PDZD9: variants seen among roughly 807,000 people sequenced by gnomAD.
PDZD9 encodes PDZ domain containing 9, also known as PDZ domain-containing protein 9.
A neutral mutation model predicts 16.3 loss-of-function variants in PDZD9; 13 were observed. The observed-to-expected ratio is 0.80, with a 90% confidence interval of 0.52 to 1.27. The LOEUF (loss-of-function observed/expected upper bound fraction) is 1.27, where lower values mean the gene tolerates loss of function less well. Ranked by LOEUF, PDZD9 falls within the 50% of genes most tolerant of loss-of-function variation. The pLI is 0.00. For missense variants in PDZD9, 288 were observed against 310.9 expected (o/e 0.93, Z 0.55); for synonymous variants, 120 against 111.0 (o/e 1.08, Z -0.51).
intron 3 of PDZD9, among the ~76,000 whole-genome samples, chr16:21,987,873 G>A (rs1898917164): frequency 1.3e-5 from 2 of 152,220 alleles, no homozygotes; most frequent in Middle Eastern, 3.4e-3. Flanking sequence ...AAGAGGGTAG[G>A]GAGAGGAGAG....
At chr16:21,962,730 C>T in the PDZD9 span, 19 of 1,613,286 alleles carry the variant, frequency 1.2e-5, no homozygotes, top group Non-Finnish European at 1.5e-5. Context: ...ACATTTTTGA[C>T]TCATAATTCT....
chr16:21,988,928 CT>C (rs60488437), intron 2 of PDZD9, 137 bp from the exon 3 acceptor site: 52,619 of 343,824 alleles, frequency 0.15, 2 homozygotes, highest in South Asian at 0.21. Flanking sequence ...AGGCTTCAGC[CT>C]TTTTTTTTTT....
intron 1 of PDZD9, 148 bp from the exon 2 acceptor site, chr16:21,996,649 C>G: frequency 1.2e-6 from 1 of 845,154 alleles, no homozygotes; most frequent in Non-Finnish European, 1.8e-6. Flanking sequence ...TAAAAATGTT[C>G]ACCTTGGAGA....
intron 2 of PDZD9, among the ~76,000 whole-genome samples, chr16:21,994,542 A>G (rs1197045476): frequency 2.0e-5 from 3 of 152,236 alleles, no homozygotes. Context: ...GAAGTCTGAC[A>G]GAGAAGGTTC....
chr16:21,991,850 C>T lies in PDZD9; in HGVS notation c.212-3059G>A, dbSNP rs180816596. ...CCGAGGAGAACTGGCAGGCTTGTCA[C>T]GAAGAGATTTGGGGCTCTGGACTTC... On this transcript the variant is annotated intron_variant, in intron 2 of 3. Transcript: ENST00000424898. 4.6e-5 allele frequency among the ~76,000 whole-genome samples: 7 copies of T among 152,230 alleles called. No individual in the cohort carries two copies. In the East Asian group the frequency reaches 7.7e-4, roughly 17 times the overall value.
the PDZD9 span, among the ~76,000 whole-genome samples, chr16:21,970,362 G>A: frequency 6.6e-6 from 1 of 152,160 alleles, no homozygotes; most frequent in Non-Finnish European, 1.5e-5. Context: ...TTGGGGAACT[G>A]CCAGACTGTT....
downstream of PDZD9, chr16:21,983,291 C>A: frequency 2.5e-6 from 2 of 806,016 alleles, no homozygotes; most frequent in Admixed American, 2.9e-5. Context: ...TAAAATAAGG[C>A]ATAAATGCAG....
At chr16:21,963,982 G>C in the PDZD9 span, among the ~76,000 whole-genome samples, 1 of 151,980 alleles carries the variant, frequency 6.6e-6, no homozygotes, top group Non-Finnish European at 1.5e-5. Context: ...ATCTTGACAA[G>C]TACAACTGGT....
At chr16:21,988,318 A>AT (rs1245038106) in intron 3 of PDZD9, among the ~76,000 whole-genome samples, 5 of 151,992 alleles carry the variant, frequency 3.3e-5, no homozygotes, top group African/African-American at 9.7e-5. Context: ...CACAAGAAGC[A>AT]TTTTTAAGGG....
chr16:21,962,885 C>T, the PDZD9 span: 25 of 1,613,742 alleles, frequency 1.5e-5, no homozygotes, highest in African/African-American at 8.0e-5. Context: ...TCCGCAGACT[C>T]GTAAGTACAT....
At chr16:21,974,194 T>C in the PDZD9 span, among the ~76,000 whole-genome samples, 2 of 152,210 alleles carry the variant, frequency 1.3e-5, no homozygotes, top group Admixed American at 1.3e-4. Context: ...CTCCTTCATG[T>C]TTTGGTTCTG....
chr16:21,990,009 G>T (rs1898983717), intron 2 of PDZD9, among the ~76,000 whole-genome samples: 1 of 152,154 alleles, frequency 6.6e-6, no homozygotes, highest in African/African-American at 2.4e-5. Flanking sequence ...GCTTCTAGTT[G>T]CTAGGGGTAG....
chr16:21,976,340 T>C, the PDZD9 span: 1 of 1,050,514 alleles, frequency 9.5e-7, no homozygotes, highest in Non-Finnish European at 1.4e-6. Flanking sequence ...TCATAAGGAC[T>C]GAGAAGTACA....
the PDZD9 span, among the ~76,000 whole-genome samples, chr16:21,966,625 A>G: frequency 1.2e-3 from 179 of 152,320 alleles, 1 homozygote; most frequent in African/African-American, 4.1e-3. Context: ...TGACTTATCA[A>G]TTAACAGTTT....
At chr16:21,994,837 T>TC (rs1490285123) in intron 2 of PDZD9, among the ~76,000 whole-genome samples, 1 of 151,990 alleles carries the variant, frequency 6.6e-6, no homozygotes, top group African/African-American at 2.4e-5. Flanking sequence ...TTTAATTTTT[T>TC]TTTTTTTTTT....
At position 21,984,565 on chromosome 16, in the gene PDZD9, C is replaced by T. The variant is rs143888025; in HGVS notation, c.497G>A (p.Arg166Lys). ...GTGATGCACAGTTGACCACGGATAT[C>T]TATAATATTGAAGTCTTTTATCTAA... ...VDLDKRLQYY[R>K]YPWSTVHHPA... The change falls in exon 4 of 4, where the codon AGA (arginine) becomes AAA (lysine). Residue 166 changes from arginine (R) to lysine (K), a missense_variant. Coordinates refer to ENST00000424898, the MANE Select transcript of PDZD9 (RefSeq NM_001363519.1). The T allele has an allele frequency of 6.3e-6, 10 of 1,582,086 alleles. No individual in the cohort carries two copies. Among genetic ancestry groups the T allele is most frequent in the East Asian group, 2.3e-5 (1 of 44,134 alleles).
chr16:21,972,131 G>C, the PDZD9 span: 5 of 1,609,988 alleles, frequency 3.1e-6, no homozygotes, highest in African/African-American at 4.0e-5. Context: ...ATGTGAGTCT[G>C]AACAGTTGGT....
At chr16:21,959,085 C>T in the PDZD9 span, among the ~76,000 whole-genome samples, 1 of 152,148 alleles carries the variant, frequency 6.6e-6, no homozygotes, top group African/African-American at 2.4e-5. Flanking sequence ...CTTGCCTCCA[C>T]GTTAATGGCT....
chr16:21,996,259 G>A (rs992008522), intron 2 of PDZD9, 63 bp downstream of exon 2: 99 of 1,452,720 alleles, frequency 6.8e-5, no homozygotes, highest in South Asian at 5.6e-4. Flanking sequence ...CCGGTGACCC[G>A]AGTCACCCTG....
Sources: allele counts gnomAD v4.1 joint callset (sites outside exome capture counted in the v4.1 genomes callset), GRCh38; gene constraint gnomAD v4.1.1; transcripts MANE v1.5; gene names NCBI Gene and HGNC (gene_info 2026-07-23, HGNC 2026-07-21).